Variants in PCDHGA6 observed in about 807,000 individuals in gnomAD.
PCDHGA6 encodes protocadherin gamma-A6.
Under a neutral mutation model 60.6 loss-of-function variants are expected in PCDHGA6, and 41 were observed. The observed-to-expected ratio is 0.68, with a 90% CI of 0.53 to 0.88. The LOEUF (loss-of-function observed/expected upper bound fraction) is 0.88. PCDHGA6 is among the 40% of genes least tolerant of loss of function. The probability of loss-of-function intolerance (pLI) is 0.00; values close to 1 mark genes in which losing one functional copy is unlikely to be tolerated. For missense variants in PCDHGA6, 1,312 were observed against 1,203.0 expected (o/e 1.09, Z -1.34); for synonymous variants, 594 against 524.4 (o/e 1.13, Z -1.81).
intron 1 of PCDHGA6, chr5:141,404,648 G>A (rs1178706213): frequency 6.2e-7 from 1 of 1,614,030 alleles, no homozygotes; most frequent in Non-Finnish European, 8.5e-7. Context: ...CCTGTACCCT[G>A]CCCTCCCCAC....
At chr5:141,499,835 C>T (rs931946377) in intron 2 of PCDHGA6, among the ~76,000 whole-genome samples, 2 of 151,916 alleles carry the variant, frequency 1.3e-5, no homozygotes, top group Admixed American at 6.6e-5. Flanking sequence ...TACAGGTGTG[C>T]ACCACCACAC....
intron 1 of PCDHGA6, chr5:141,419,537 C>G (rs368875631): frequency 1.2e-6 from 2 of 1,612,040 alleles, no homozygotes; most frequent in Non-Finnish European, 1.7e-6. Flanking sequence ...CGACAACGCA[C>G]CGCGGGTGCT....
At chr5:141,413,740 C>A in intron 1 of PCDHGA6, 2 of 1,613,402 alleles carry the variant, frequency 1.2e-6, no homozygotes, top group Non-Finnish European at 1.7e-6. Flanking sequence ...AGTTCAGAGC[C>A]GTGCCAATGG....
At chr5:141,457,881 G>T (rs2098931594) in intron 1 of PCDHGA6, among the ~76,000 whole-genome samples, 2 of 152,230 alleles carry the variant, frequency 1.3e-5, no homozygotes, top group African/African-American at 4.8e-5. Context: ...TAGGAACCCT[G>T]TGTGGGGACT....
At chr5:141,467,582 TGCCATTTATTAA>T (rs2099146610) in intron 1 of PCDHGA6, among the ~76,000 whole-genome samples, 2 of 152,216 alleles carry the variant, frequency 1.3e-5, no homozygotes, top group Non-Finnish European at 1.5e-5. Context: ...GTTGTCCCAA[TGCCATTTATTAA>T]GCACTTCATC....
In PCDHGA6 at chr5:141,375,645, A is replaced by G. The variant is rs1052759532; in HGVS notation, c.1562A>G (p.Asp521Gly). ...ATTCTGTACGCCCTGCGCTCCTTCG[A>G]CTATGAGCAGTTGAGAGACCTACAG... Reference protein sequence around the residue: ...TGILYALRSFDYEQLRDLQLW... With the variant: ...TGILYALRSFGYEQLRDLQLW... Residue 521 changes from aspartate to glycine, a missense_variant, in exon 1 of 4, where the codon GAC becomes GGC. Physicochemically the swap from Asp to Gly is moderately conservative, Grantham distance 94. Coordinates refer to ENST00000517434, the MANE Select transcript of PCDHGA6 (RefSeq NM_018919.3). 1 of 1,614,002 alleles carries G rather than the reference A, an allele frequency of 6.2e-7. No homozygotes were observed. Among genetic ancestry groups the G allele is most frequent in the African/African-American group, 1.3e-5 (1 of 74,912 alleles).
chr5:141,402,949 A>C, intron 1 of PCDHGA6: 2 of 1,594,986 alleles, frequency 1.3e-6, no homozygotes, highest in South Asian at 1.1e-5. Flanking sequence ...AAAGCGAGGC[A>C]GCAATGGCAG....
intron 3 of PCDHGA6, among the ~76,000 whole-genome samples, chr5:141,505,926 G>T (rs114056147): frequency 6.6e-6 from 1 of 152,146 alleles, no homozygotes; most frequent in African/African-American, 2.4e-5. Flanking sequence ...TGGGCCTGGC[G>T]CTTGGAAGCC....
At chr5:141,389,388 T>C (rs375763465) in intron 1 of PCDHGA6, 34 of 1,613,602 alleles carry the variant, frequency 2.1e-5, no homozygotes, top group Non-Finnish European at 2.6e-5. Context: ...GCTGTCATCC[T>C]ACGTGTCCAT....
At chr5:141,464,000 T>C (rs1045842127) in intron 1 of PCDHGA6, among the ~76,000 whole-genome samples, 15 of 152,158 alleles carry the variant, frequency 9.9e-5, no homozygotes, top group Non-Finnish European at 1.3e-4. Context: ...GTGCAGTGGC[T>C]CATGCTTGTA....
chr5:141,419,794 T>C (rs368369787), intron 1 of PCDHGA6: 54 of 1,613,930 alleles, frequency 3.3e-5, no homozygotes, highest in Non-Finnish European at 4.5e-5. Flanking sequence ...TGCTAGTCGC[T>C]GTAAGAGATG....
At chr5:141,398,349 C>T in intron 1 of PCDHGA6, 2 of 1,397,134 alleles carry the variant, frequency 1.4e-6, no homozygotes, top group Non-Finnish European at 2.0e-6. Flanking sequence ...AGAAGCCTTA[C>T]TTCACCGTGA....
chr5:141,490,251 A>G lies in PCDHGA6; in HGVS notation c.2425-4556A>G, dbSNP rs1479384008. ...CCATGGAGGGCCACTGTGTGATTCA[A>G]GTGGATGTGGGGGATGTCAATGACA... is the stretch of plus-strand genomic sequence containing the variant. On this transcript the variant is annotated intron_variant, in intron 1 of 3. Coordinates refer to ENST00000517434, the MANE Select transcript of PCDHGA6 (RefSeq NM_018919.3). This position sits in a 1 kb window ranked among gnomAD's most constrained non-coding sequence, Gnocchi z 5.4. 6.2e-7 allele frequency: 1 copy of G among 1,614,210 alleles called. No homozygotes were observed. Among genetic ancestry groups the G allele is most frequent in the Non-Finnish European group, 8.5e-7 (1 of 1,180,036 alleles).
chr5:141,391,912 T>C (rs1370313040), intron 1 of PCDHGA6: 1 of 152,228 alleles, frequency 6.6e-6, no homozygotes, highest in Non-Finnish European at 1.5e-5. Context: ...CTTTTTATCA[T>C]ATATTCATCT....
chr5:141,448,705 C>T (rs2098601893), intron 1 of PCDHGA6, among the ~76,000 whole-genome samples: 1 of 152,100 alleles, frequency 6.6e-6, no homozygotes, highest in Non-Finnish European at 1.5e-5. Context: ...CTTTGGGAGG[C>T]CGAGGCGGGA....
rs1212248484 is a variant in PCDHGA6 at position 141,393,163 on chromosome 5, T to C, written c.2424+16656T>C. ...CTGGTTGAGGATAAAGGAAAACTCT[T>C]TGGGGTAGAAATAGAAATAATTGAT... On this transcript the variant is annotated intron_variant, in intron 1 of 3. Transcript: ENST00000517434. 1.9e-6 allele frequency: 3 copies of C among 1,613,134 alleles called. No homozygotes were observed. In the Admixed American group the frequency reaches 5.0e-5, roughly 27 times the overall value.
At position 141,384,387 on chromosome 5, in the gene PCDHGA6, C is replaced by T. The variant is rs774707320; in HGVS notation, c.2424+7880C>T. The T allele has an allele frequency of 3.1e-6, 5 of 1,613,950 alleles. No homozygotes were observed. The South Asian group carries it at 5.5e-5, about 18-fold the overall frequency. On this transcript the variant is annotated intron_variant, in intron 1 of 3. Transcript: ENST00000517434. ...CTTATTCCTTGGCCGAAGACACCATCCAGGGGGCTCCAGTGTCCTCCTATG... is the reference window on the plus strand; with the variant it reads ...CTTATTCCTTGGCCGAAGACACCATTCAGGGGGCTCCAGTGTCCTCCTATG...
chr5:141,511,084 C>G lies in PCDHGA6; in HGVS notation c.2710C>G (p.Leu904Val). 1 of 1,614,236 alleles carries G rather than the reference C, an allele frequency of 6.2e-7. No homozygotes were observed. Among genetic ancestry groups the G allele is most frequent in the Non-Finnish European group, 8.5e-7 (1 of 1,180,030 alleles). The change falls in exon 4 of 4, where the codon CTG becomes GTG. Residue 904 changes from leucine (L) to valine (V), a missense_variant. Leu to Val is a conservative substitution (Grantham distance 32). Coordinates refer to ENST00000517434, the MANE Select transcript of PCDHGA6 (RefSeq NM_018919.3). Reference sequence around the variant, plus strand: ...CTACATCCCAGGCAGCAATGCCACACTGACCAACGCAGCTGGCAAGCGGGA... The same window carrying G: ...CTACATCCCAGGCAGCAATGCCACAGTGACCAACGCAGCTGGCAAGCGGGA... ...NVYIPGSNAT[L>V]TNAAGKRDGK...
chr5:141,484,922 GC>G (rs869160673), intron 1 of PCDHGA6: 1 of 481,378 alleles, frequency 2.1e-6, no homozygotes, highest in South Asian at 2.8e-5. Context: ...TAACCCTGCT[GC>G]TGTTGGGACG....
Sources: allele counts gnomAD v4.1 joint callset (sites outside exome capture counted in the v4.1 genomes callset), GRCh38; gene constraint gnomAD v4.1.1; non-coding constraint Gnocchi (gnomAD v3.1); transcripts MANE v1.5; gene names NCBI Gene and HGNC (gene_info 2026-07-23, HGNC 2026-07-21).